The following TRIO variants were observed in gnomAD, a reference collection of about 807,000 sequenced individuals.
The protein encoded by TRIO is triple functional domain protein.
TRIO carries 58 observed loss-of-function variants against 351.9 expected under a neutral mutation model. That is an observed-to-expected ratio of 0.16 (90% CI 0.13 to 0.21). The LOEUF (loss-of-function observed/expected upper bound fraction) is 0.21. Ranked by LOEUF, TRIO falls within the 10% of genes least tolerant of loss-of-function variation. The pLI, the probability that TRIO is intolerant of heterozygous loss-of-function variation, is 1.00. For missense variants in TRIO, 3,201 were observed against 4,027.8 expected (o/e 0.79, Z 5.56); for synonymous variants, 1,758 against 1,595.7 (o/e 1.10, Z -2.42).
chr5:14,437,373 C>T (rs922004448), intron 34 of TRIO, among the ~76,000 whole-genome samples: 3 of 152,174 alleles, frequency 2.0e-5, no homozygotes, highest in African/African-American at 2.4e-5. Flanking sequence ...CCACCCACCT[C>T]GGGGTGATGT....
rs1156913828 is a variant in TRIO, at chr5:14,462,736, A to G, written c.5497-19A>G. The G allele has an allele frequency of 2.5e-6, 4 of 1,613,640 alleles. No individual in the cohort carries two copies. Among genetic ancestry groups the G allele is most frequent in the Non-Finnish European group, 3.4e-6 (4 of 1,179,800 alleles). Reference sequence around the variant, plus strand: ...GAACTGGCCTGGAATATAATGAGCAAATCTTGACTGGATTTCAGAGAGGCC... The same window carrying G: ...GAACTGGCCTGGAATATAATGAGCAGATCTTGACTGGATTTCAGAGAGGCC... On this transcript the variant is annotated intron_variant, in intron 35 of 56. Transcript: ENST00000344204.
At chr5:14,454,469 G>A (rs1753091410) in intron 34 of TRIO, among the ~76,000 whole-genome samples, 1 of 152,218 alleles carries the variant, frequency 6.6e-6, no homozygotes, top group African/African-American at 2.4e-5. Context: ...GATGTTACTT[G>A]TGTTCACTTC....
chr5:14,481,185 T>C (rs1755484353), intron 43 of TRIO, 49 bp from the exon 44 acceptor site: 2 of 1,573,852 alleles, frequency 1.3e-6, no homozygotes, highest in Non-Finnish European at 1.7e-6. Context: ...AAAGGTCAGC[T>C]GCTGTTGTCT....
At chr5:14,338,901 A>G (rs144567024) in intron 11 of TRIO, among the ~76,000 whole-genome samples, 5 of 152,278 alleles carry the variant, frequency 3.3e-5, no homozygotes, top group East Asian at 1.9e-4. Context: ...GCCATATTCT[A>G]TAGCAGCTTA....
chr5:14,346,855 C>A (rs1742465326), intron 11 of TRIO, among the ~76,000 whole-genome samples: 1 of 152,246 alleles, frequency 6.6e-6, no homozygotes, highest in East Asian at 1.9e-4. Context: ...CCAAAACTCT[C>A]CTCATCCTCC....
chr5:14,352,958 A>G (rs1743274395), intron 11 of TRIO, among the ~76,000 whole-genome samples: 1 of 152,036 alleles, frequency 6.6e-6, no homozygotes, highest in Non-Finnish European at 1.5e-5. Flanking sequence ...CGCTTCCCCT[A>G]GAATTGAGAG....
intron 7 of TRIO, among the ~76,000 whole-genome samples, chr5:14,304,024 C>T (rs1738150895): frequency 6.6e-6 from 1 of 152,140 alleles, no homozygotes. Context: ...TGACGTGTAG[C>T]TGCAAGGAGA....
chr5:14,209,742 T>A (rs985896566), intron 1 of TRIO, among the ~76,000 whole-genome samples: 1 of 152,246 alleles, frequency 6.6e-6, no homozygotes, highest in African/African-American at 2.4e-5. Flanking sequence ...TTAAATGCTT[T>A]AAAATGTACT....
At chr5:14,450,703 C>T (rs1752790930) in intron 34 of TRIO, among the ~76,000 whole-genome samples, 1 of 152,184 alleles carries the variant, frequency 6.6e-6, no homozygotes, top group East Asian at 1.9e-4. Context: ...CAGTCATTAC[C>T]ATTCTCCAGA....
At chr5:14,306,726 T>C (rs1310028318) in intron 8 of TRIO, among the ~76,000 whole-genome samples, 1 of 152,192 alleles carries the variant, frequency 6.6e-6, no homozygotes, top group Admixed American at 6.5e-5. Context: ...CAGAATCACC[T>C]TGACCCAGCC....
intron 25 of TRIO, among the ~76,000 whole-genome samples, chr5:14,389,824 T>A (rs1746889178): frequency 6.6e-6 from 1 of 152,170 alleles, no homozygotes. Context: ...TGCATTTTCC[T>A]TTGGCCACAG....
intron 1 of TRIO, among the ~76,000 whole-genome samples, chr5:14,158,288 G>A (rs1306264953): frequency 1.3e-5 from 2 of 152,056 alleles, no homozygotes; most frequent in African/African-American, 2.4e-5. Flanking sequence ...AGCTGAGCGT[G>A]GTGGTGCACG....
intron 38 of TRIO, among the ~76,000 whole-genome samples, chr5:14,472,019 G>A (rs569593575): frequency 1.7e-4 from 26 of 152,172 alleles, no homozygotes; most frequent in African/African-American, 6.3e-4. Context: ...AGAGGTGCCA[G>A]GTTGATGTTG....
intron 39 of TRIO, 109 bp from the exon 40 acceptor site, chr5:14,473,885 C>G: frequency 9.8e-7 from 1 of 1,021,418 alleles, no homozygotes; most frequent in Non-Finnish European, 1.4e-6. Flanking sequence ...GAACTGGTTA[C>G]AAGACAGTGC....
intron 46 of TRIO, among the ~76,000 whole-genome samples, chr5:14,483,947 C>T (rs1755728781): frequency 6.6e-6 from 1 of 152,094 alleles, no homozygotes; most frequent in Non-Finnish European, 1.5e-5. Context: ...CTGAACTGCA[C>T]CCATACGCTG....
chr5:14,485,242 A>C lies in TRIO; in HGVS notation c.6831A>C (p.Leu2277Phe). 1 of 1,578,944 alleles carries C rather than the reference A, an allele frequency of 6.3e-7. No individual in the cohort carries two copies. Among genetic ancestry groups the C allele is most frequent in the Non-Finnish European group, 8.7e-7 (1 of 1,155,190 alleles). Residue 2277 changes from leucine to phenylalanine, a missense_variant, in exon 47 of 57, where the codon TTA (leucine) becomes TTC (phenylalanine). Physicochemically the swap from Leu to Phe is conservative, Grantham distance 22. This residue lies in a region of TRIO where 1,089 missense variants were observed against 954.9 expected (regional missense o/e 1.14). Transcript: ENST00000344204. The part of the protein sequence containing the change: ...NQILENQRNF[L>F]NALTSPIEYQ... ...TTTTAGAAAACCAGCGCAATTTTTT[A>C]AATGGTAATGTGTGTTCTGTTACTA...
chr5:14,299,662 C>G (rs891223260), intron 7 of TRIO, among the ~76,000 whole-genome samples: 6 of 152,202 alleles, frequency 3.9e-5, no homozygotes, highest in Non-Finnish European at 7.3e-5. Context: ...GATTTGCCTT[C>G]TAGTTATGCT....
chr5:14,150,444 T>A (rs2152115240), intron 1 of TRIO, among the ~76,000 whole-genome samples: 1 of 152,150 alleles, frequency 6.6e-6, no homozygotes, highest in Admixed American at 6.5e-5. Flanking sequence ...ACACACCGTT[T>A]AACTGTATAT....
At chr5:14,417,684 T>G (rs1040709121) in intron 33 of TRIO, among the ~76,000 whole-genome samples, 18 of 152,200 alleles carry the variant, frequency 1.2e-4, no homozygotes, top group African/African-American at 4.3e-4. Flanking sequence ...CTACTGCCCT[T>G]TAGCAAGAGG....
Sources: allele counts gnomAD v4.1 joint callset (sites outside exome capture counted in the v4.1 genomes callset), GRCh38; gene constraint gnomAD v4.1.1; regional missense constraint gnomAD v4.1.1; transcripts MANE v1.5; gene names NCBI Gene and HGNC (gene_info 2026-07-23, HGNC 2026-07-21).